Variants in RITA1 observed in about 807,000 individuals in gnomAD.
RITA1 encodes the protein RBPJ interacting and tubulin associated 1, also known as RBPJ-interacting and tubulin-associated protein 1.
A neutral mutation model predicts 8.7 loss-of-function variants in RITA1; 15 were observed. The ratio of observed to expected loss-of-function variants is 1.72; its 90% CI spans 1.15 to 2.65. The LOEUF is 2.65. Ranked by LOEUF, RITA1 falls within the 30% of genes most tolerant of loss-of-function variation. The pLI, the probability that RITA1 is intolerant of heterozygous loss-of-function variation, is 0.00. For missense variants in RITA1, 330 were observed against 363.8 expected (o/e 0.91, Z 0.76); for synonymous variants, 145 against 156.2 (o/e 0.93, Z 0.53).
chr12:113,189,957 A>G (rs1330818315), intron 3 of RITA1, among the ~76,000 whole-genome samples: 1 of 149,694 alleles, frequency 6.7e-6, no homozygotes, highest in Non-Finnish European at 1.5e-5. Context: ...GGATTACTTG[A>G]GCTCAGGAGT....
Position 113,191,984 on chromosome 12 carries a change from T to G in RITA1, c.*167T>G. The G allele has an allele frequency of 3.7e-5, 32 of 864,548 alleles. No individual in the cohort carries two copies. Among genetic ancestry groups the G allele is most frequent in the Non-Finnish European group, 5.1e-5 (30 of 587,374 alleles). 53.6% of individuals were successfully genotyped at this position (864,548 alleles called of 1,614,324 possible). A position where few individuals can be genotyped will look rare whatever the true frequency, so the allele number is the denominator to read the frequency against. ...TGCCTCCCTTTATCCTGACAATCTC[T>G]AGTCGATTCTTGCCTTTTTCTCCCG... On this transcript the variant is annotated 3_prime_UTR_variant, in exon 4 of 4. Coordinates refer to ENST00000548278, the MANE Select transcript of RITA1 (RefSeq NM_032848.3). The surrounding 1 kb of genome is among the most constrained non-coding windows in gnomAD (Gnocchi z 4.0).
chr12:113,189,147 C>T (rs1396154927), intron 3 of RITA1, among the ~76,000 whole-genome samples: 1 of 151,952 alleles, frequency 6.6e-6, no homozygotes, highest in East Asian at 1.9e-4. Context: ...ATAATTAAGG[C>T]CAAGTGTAGA....
chr12:113,191,088 A>G lies in RITA1; in HGVS notation c.303-222A>G, dbSNP rs1026912722. The stretch of plus-strand genomic sequence containing the variant: ...ATGTCTGGGAATGGGGTCAGGATGC[A>G]GGGGCAGTGGATGTTTCGCAGGGAA... On this transcript the variant is annotated intron_variant, in intron 3 of 3. Coordinates refer to ENST00000548278, the MANE Select transcript of RITA1 (RefSeq NM_032848.3). The surrounding 1 kb of genome is among the most constrained non-coding windows in gnomAD (Gnocchi z 4.0). 6.6e-6 allele frequency among the ~76,000 whole-genome samples: 1 copy of G among 152,120 alleles called. No homozygotes were observed. The highest frequency in any genetic ancestry group is 2.4e-5 in the African/African-American group (1 of 41,428).
At chr12:113,186,655 G>A (rs1458641710) in intron 2 of RITA1, 28 bp from the exon 3 acceptor site, 1 of 1,537,688 alleles carries the variant, frequency 6.5e-7, no homozygotes, top group Non-Finnish European at 8.8e-7. Context: ...CTGTGGCTCA[G>A]GGGTGCTACT....
rs921211808 is a variant in RITA1 at position 113,185,742 on chromosome 12, G to C, written c.-476G>C. The C allele has an allele frequency of 1.0e-5, 6 of 574,734 alleles. No individual in the cohort carries two copies. The highest frequency in any genetic ancestry group is 1.8e-5 in the Non-Finnish European group (6 of 332,118). The allele number at this position is 574,734 out of a possible 1,614,324, so 35.6% of individuals were successfully genotyped here. A position where few individuals can be genotyped will look rare whatever the true frequency, so the allele number is the denominator to read the frequency against. On this transcript the variant is annotated 5_prime_UTR_variant, in exon 1 of 4. Transcript: ENST00000548278. Reference sequence around the variant, plus strand: ...CCGCAGTGCTGCTGGCTGCTCCCTGGTTGCTGGGTGCAAAGTGCTGGGTTC... The same window carrying C: ...CCGCAGTGCTGCTGGCTGCTCCCTGCTTGCTGGGTGCAAAGTGCTGGGTTC...
At chr12:113,187,280 T>A (rs541069218) in intron 3 of RITA1, 1 of 468,730 alleles carries the variant, frequency 2.1e-6, no homozygotes, top group Non-Finnish European at 3.7e-6. Context: ...TAGAAAGCTG[T>A]CAATAAATGG....
At position 113,191,914 on chromosome 12, in the gene RITA1, AAAG is replaced by A; in HGVS notation, c.*101_*103del. ...CATCACCCAGGGAACCCCAGGTATT[AAAG>A]AAGCCCCTGTGGGGGCAGACAGACA... On this transcript the variant is annotated 3_prime_UTR_variant, in exon 4 of 4. Coordinates refer to ENST00000548278, the MANE Select transcript of RITA1 (RefSeq NM_032848.3). The surrounding 1 kb of genome is among the most constrained non-coding windows in gnomAD (Gnocchi z 4.0). 6.9e-7 allele frequency: 1 copy of A among 1,458,568 alleles called. No individual in the cohort carries two copies. Among genetic ancestry groups the A allele is most frequent in the East Asian group, 2.3e-5 (1 of 43,430 alleles). The allele number at this position is 1,458,568 out of a possible 1,614,324, so 90.4% of individuals were successfully genotyped here.
rs1309044456 is a variant in RITA1, at chr12:113,191,690, C to G, written c.683C>G (p.Pro228Arg). The change falls in exon 4 of 4, where the codon CCT becomes CGT. Residue 228 changes from proline to arginine, a missense_variant. Physicochemically the swap from Pro to Arg is moderately radical, Grantham distance 103. Transcript: ENST00000548278. This position sits in a 1 kb window ranked among gnomAD's most constrained non-coding sequence, Gnocchi z 4.0. ...ACAAATGGGCCTCAGGATCTCAGGC[C>G]TTCCACGTCAGGGGTGACCTTCCGG... ...PHTNGPQDLR[P>R]STSGVTFRSP... 6.2e-7 allele frequency: 1 copy of G among 1,614,164 alleles called. No individual in the cohort carries two copies. Among genetic ancestry groups the G allele is most frequent in the Non-Finnish European group, 8.5e-7 (1 of 1,180,028 alleles).
At chr12:113,187,703 G>A (rs1952553359) in intron 3 of RITA1, among the ~76,000 whole-genome samples, 1 of 141,710 alleles carries the variant, frequency 7.1e-6, no homozygotes. Context: ...ATTGCAATGA[G>A]CTGAGATCAC....
chr12:113,188,787 C>CATT (rs1952566562), intron 3 of RITA1, among the ~76,000 whole-genome samples: 1 of 73,158 alleles, frequency 1.4e-5, no homozygotes, highest in South Asian at 4.9e-4. Context: ...CCTTAGTTAC[C>CATT]TTTTTTTTTT....
chr12:113,187,046 C>T lies in RITA1; in HGVS notation c.300C>T (p.Tyr100=). ...PTLTPRKKNK[Y]RPISHTPSYC... ...TCACACCAAGGAAGAAGAACAAATACAGGTAATGGGGTAGGGAGATGCAAA... is the reference window on the plus strand; with the variant it reads ...TCACACCAAGGAAGAAGAACAAATATAGGTAATGGGGTAGGGAGATGCAAA... Residue 100 remains tyrosine, a splice_region_variant and synonymous_variant, in exon 3 of 4, where the codon TAC becomes TAT. Coordinates refer to ENST00000548278, the MANE Select transcript of RITA1 (RefSeq NM_032848.3). 1 of 1,576,450 alleles carries T rather than the reference C, an allele frequency of 6.3e-7. No homozygotes were observed. The highest frequency in any genetic ancestry group is 8.6e-7 in the Non-Finnish European group (1 of 1,160,276).
chr12:113,186,959 G>T lies in RITA1; in HGVS notation c.213G>T (p.Ser71=). ...NRTRGVGKEA[S]KALGAKGSCE... is the part of the protein sequence containing the mutation. ...CCAGAGGCGTGGGCAAGGAGGCATC[G>T]AAGGCCTTGGGGGCAAAGGGGAGCT... The change falls in exon 3 of 4, where the codon TCG becomes TCT. Residue 71 remains serine (S), a synonymous_variant. Transcript: ENST00000548278. 1 of 1,613,844 alleles carries T rather than the reference G, an allele frequency of 6.2e-7. No homozygotes were observed. Among genetic ancestry groups the T allele is most frequent in the Non-Finnish European group, 8.5e-7 (1 of 1,179,910 alleles).
rs780174678 is a variant in RITA1, at chr12:113,191,456, G to A, written c.449G>A (p.Gly150Asp). ...TGGACGCCACCACCTACCCCCAGGG[G>A]TAGCCACTCGCCCCGCCCCAGGGAG... is the stretch of plus-strand genomic sequence containing the variant. ...LLWTPPPTPRGSHSPRPREAP... is the reference protein window; with the variant it reads ...LLWTPPPTPRDSHSPRPREAP... The change falls in exon 4 of 4, where the codon GGT (glycine) becomes GAT (aspartate). Residue 150 changes from glycine (G) to aspartate (D), a missense_variant. Coordinates refer to ENST00000548278, the MANE Select transcript of RITA1 (RefSeq NM_032848.3). The surrounding 1 kb of genome is among the most constrained non-coding windows in gnomAD (Gnocchi z 4.0). 2.5e-6 allele frequency: 4 copies of A among 1,605,116 alleles called. No homozygotes were observed. Among genetic ancestry groups the A allele is most frequent in the South Asian group, 1.1e-5 (1 of 90,792 alleles).
chr12:113,189,924 C>T (rs1173676915), intron 3 of RITA1, among the ~76,000 whole-genome samples: 1 of 151,224 alleles, frequency 6.6e-6, no homozygotes, highest in African/African-American at 2.4e-5. Context: ...GTAGTCCCAG[C>T]TACTCTGGAG....
rs1952596859 is a variant in RITA1 at position 113,191,234 on chromosome 12, G to A, written c.303-76G>A. 2 of 1,471,124 alleles carry A rather than the reference G, an allele frequency of 1.4e-6. No homozygotes were observed. The highest frequency in any genetic ancestry group is 1.4e-5 in the South Asian group (1 of 70,334). The allele number at this position is 1,471,124 out of a possible 1,614,324, so 91.1% of individuals were successfully genotyped here. A position where few individuals can be genotyped will look rare whatever the true frequency, so the allele number is the denominator to read the frequency against. ...CCCTCCTCTGCTGCTGCCATCCCAG[G>A]GTGGGTGGGAGAGCTGTTAAAGTTT... On this transcript the variant is annotated intron_variant, in intron 3 of 3. Transcript: ENST00000548278. This position sits in a 1 kb window ranked among gnomAD's most constrained non-coding sequence, Gnocchi z 4.0.
At chr12:113,187,723 C>T (rs1344340548) in intron 3 of RITA1, among the ~76,000 whole-genome samples, 4 of 138,686 alleles carry the variant, frequency 2.9e-5, no homozygotes, top group Non-Finnish European at 1.5e-5. Flanking sequence ...CGCCTCTGCA[C>T]TCCAGCCTGA....
chr12:113,186,161 C>T (rs1225925856), intron 1 of RITA1, 24 bp from the exon 2 acceptor site: 1 of 1,400,838 alleles, frequency 7.1e-7, no homozygotes, highest in Non-Finnish European at 9.7e-7. Context: ...GCTCTGGACT[C>T]AGATTTCACT....
At chr12:113,188,332 C>T (rs995844882) in intron 3 of RITA1, among the ~76,000 whole-genome samples, 2 of 151,964 alleles carry the variant, frequency 1.3e-5, no homozygotes, top group African/African-American at 4.8e-5. Flanking sequence ...ATTCTCCTGC[C>T]TCACCCTCCC....
At chr12:113,187,157 T>C in intron 3 of RITA1, 109 bp downstream of exon 3, 1 of 1,177,810 alleles carries the variant, frequency 8.5e-7, no homozygotes, top group East Asian at 2.6e-5. Context: ...TCTTGACCTC[T>C]CTGAGCCAGT....
Sources: allele counts gnomAD v4.1 joint callset (sites outside exome capture counted in the v4.1 genomes callset), GRCh38; gene constraint gnomAD v4.1.1; non-coding constraint Gnocchi (gnomAD v3.1); transcripts MANE v1.5; gene names NCBI Gene and HGNC (gene_info 2026-07-23, HGNC 2026-07-21).